The following SIPA1L2 variants were observed in gnomAD, a reference collection of about 807,000 sequenced individuals.
SIPA1L2 encodes the protein signal induced proliferation associated 1 like 2, also known as signal-induced proliferation-associated 1-like protein 2.
SIPA1L2 carries 56 observed loss-of-function variants against 163.9 expected under a neutral mutation model. The ratio of observed to expected loss-of-function variants is 0.34; its 90% CI spans 0.28 to 0.43. SIPA1L2 has a LOEUF of 0.43. Ranked by LOEUF, SIPA1L2 falls within the 20% of genes least tolerant of loss-of-function variation. SIPA1L2 has a pLI of 1.00. For synonymous variants in SIPA1L2, 877 were observed against 865.7 expected, an observed-to-expected ratio of 1.01 and a Z score of -0.23; for missense variants, 1,974 against 2,193.5, an observed-to-expected ratio of 0.90 and a Z score of 2.00.
intron 17 of SIPA1L2, among the ~76,000 whole-genome samples, chr1:232,426,371 T>C (rs1224749019): frequency 6.6e-6 from 1 of 152,180 alleles, no homozygotes; most frequent in African/African-American, 2.4e-5. Context: ...CTTAAAAGTG[T>C]CACTTGTGGC....
At chr1:232,487,870 G>GGACT (rs907096281) in intron 5 of SIPA1L2, among the ~76,000 whole-genome samples, 53 of 150,154 alleles carry the variant, frequency 3.5e-4, no homozygotes, top group African/African-American at 1.3e-3. Flanking sequence ...AAACCAGGAT[G>GGACT]GACTGCAAAC....
At position 232,413,652 on chromosome 1, in the gene SIPA1L2, C is replaced by T. The variant is rs140756737; in HGVS notation, c.4762+1842G>A. 3.9e-3 allele frequency among the ~76,000 whole-genome samples: 594 copies of T among 152,248 alleles called. 2 individuals carry two copies. Among genetic ancestry groups the T allele is most frequent in the Non-Finnish European group, 6.0e-3 (407 of 68,016 alleles). The stretch of plus-strand genomic sequence containing the variant: ...ATACCTACTTACTCCTTGTTACTAG[C>T]GCTTCTCCTTTGGTTATCTTGATAT... On this transcript the variant is annotated intron_variant, in intron 19 of 22. Transcript: ENST00000674635.
chr1:232,551,343 T>C (rs1183024423), intron 2 of SIPA1L2, among the ~76,000 whole-genome samples: 1 of 152,164 alleles, frequency 6.6e-6, no homozygotes, highest in African/African-American at 2.4e-5. Flanking sequence ...CCTGAAATAC[T>C]ACCTAAGAGA....
intron 10 of SIPA1L2, among the ~76,000 whole-genome samples, chr1:232,456,207 A>G (rs1663908161): frequency 6.6e-6 from 1 of 152,198 alleles, no homozygotes; most frequent in Non-Finnish European, 1.5e-5. Context: ...ATTTCAGCCC[A>G]CCATTTATTT....
chr1:232,590,446 T>C (rs1050197605), intron 1 of SIPA1L2, among the ~76,000 whole-genome samples: 4 of 152,238 alleles, frequency 2.6e-5, no homozygotes, highest in African/African-American at 7.2e-5. Flanking sequence ...AACTCAGTGA[T>C]AGCACCAGCA....
chr1:232,482,706 T>C (rs1195516847), intron 6 of SIPA1L2, among the ~76,000 whole-genome samples: 1 of 152,170 alleles, frequency 6.6e-6, no homozygotes, highest in Non-Finnish European at 1.5e-5. Context: ...GGCACCACCC[T>C]CATCCAGATG....
intron 18 of SIPA1L2, among the ~76,000 whole-genome samples, chr1:232,421,162 C>T (rs548813077): frequency 2.6e-4 from 39 of 152,294 alleles, no homozygotes; most frequent in Non-Finnish European, 3.8e-4. Context: ...AGATGCCATC[C>T]TACCTCACTT....
At chr1:232,496,588 A>AAACAT (rs71162248) in intron 3 of SIPA1L2, among the ~76,000 whole-genome samples, 35,530 of 150,458 alleles carry the variant, frequency 0.24, 4,349 homozygotes, top group Admixed American at 0.34. Flanking sequence ...TATTCAATGA[A>AAACAT]AGACTAAAAG....
chr1:232,543,155 G>A (rs1356476567), intron 2 of SIPA1L2, among the ~76,000 whole-genome samples: 5 of 152,314 alleles, frequency 3.3e-5, no homozygotes, highest in East Asian at 1.9e-4. Flanking sequence ...TATGTAAATC[G>A]AATGAAGAGA....
chr1:232,449,432 G>A (rs1380849749), intron 10 of SIPA1L2, among the ~76,000 whole-genome samples: 1 of 151,522 alleles, frequency 6.6e-6, no homozygotes, highest in Admixed American at 6.6e-5. Context: ...GCAGGAGAAT[G>A]GCGTGAACCC....
At position 232,445,562 on chromosome 1, in the gene SIPA1L2, G is replaced by T; in HGVS notation, c.3320C>A (p.Thr1107Asn). The T allele has an allele frequency of 6.2e-7, 1 of 1,613,960 alleles. No homozygotes were observed. Among genetic ancestry groups the T allele is most frequent in the Non-Finnish European group, 8.5e-7 (1 of 1,179,960 alleles). ...ATCGGGCAGCTTCCGGTCGAAGGAG[G>T]TGCTTCGAGGAATGGCAGCCTGGGC... ...QQAQAAIPRS[T>N]SFDRKLPDGT... Residue 1107 changes from threonine to asparagine, a missense_variant, in exon 11 of 23, where the codon ACC (threonine) becomes AAC (asparagine). Around this residue, in one of 3 missense-constraint regions of SIPA1L2, gnomAD observed 1,079 missense variants for 1,150.7 expected, o/e 0.94. Transcript: ENST00000674635.
At chr1:232,525,393 G>A (rs1308192312) in intron 2 of SIPA1L2, among the ~76,000 whole-genome samples, 1 of 147,310 alleles carries the variant, frequency 6.8e-6, no homozygotes, top group Non-Finnish European at 1.5e-5. Flanking sequence ...CCGCCACCAA[G>A]CCTGGCTATT....
rs1663034771 is a variant in SIPA1L2, at chr1:232,443,628, G to C, written c.3411C>G (p.Pro1137=). 6.2e-7 allele frequency: 1 copy of C among 1,609,176 alleles called. No homozygotes were observed. Among genetic ancestry groups the C allele is most frequent in the South Asian group, 1.1e-5 (1 of 89,950 alleles). ...SSDPGPGGSG[P]WRPQVGYDGC... ...CGTCGTAGCCCACTTGTGGTCTCCA[G>C]GGTCCGCTCCCGCCGGGTCCAGGGT... The change falls in exon 12 of 23, where the codon CCC becomes CCG. Residue 1137 remains proline, a synonymous_variant. Coordinates refer to ENST00000674635, the MANE Select transcript of SIPA1L2 (RefSeq NM_020808.5).
intron 1 of SIPA1L2, among the ~76,000 whole-genome samples, chr1:232,578,012 C>T (rs1284788639): frequency 6.6e-6 from 1 of 152,050 alleles, no homozygotes; most frequent in Non-Finnish European, 1.5e-5. Flanking sequence ...TCATTGTTGT[C>T]TTATTTTAAG....
At position 232,398,839 on chromosome 1, in the gene SIPA1L2, C is replaced by A. The variant is rs1029202038; in HGVS notation, c.*288G>T. ...CTCTTGAGGTAAGCCCAAGCCAGAG[C>A]ACTGTTTTAGCAGAGTCTAAAAGAA... On this transcript the variant is annotated 3_prime_UTR_variant, in exon 23 of 23. Transcript: ENST00000674635. The A allele has an allele frequency of 3.2e-6, 1 of 315,646 alleles. No homozygotes were observed. The highest frequency in any genetic ancestry group is 5.9e-6 in the Non-Finnish European group (1 of 169,616). The allele number at this position is 315,646 out of a possible 1,614,324, so 19.6% of individuals were successfully genotyped here. A position where few individuals can be genotyped will look rare whatever the true frequency, so the allele number is the denominator to read the frequency against.
At chr1:232,511,960 T>C (rs1003348659) in intron 3 of SIPA1L2, among the ~76,000 whole-genome samples, 2 of 151,974 alleles carry the variant, frequency 1.3e-5, no homozygotes, top group Non-Finnish European at 2.9e-5. Flanking sequence ...TGGGAGAAAA[T>C]TTTTGCAATC....
At chr1:232,580,101 G>A (rs1001399193) in intron 1 of SIPA1L2, among the ~76,000 whole-genome samples, 1 of 152,190 alleles carries the variant, frequency 6.6e-6, no homozygotes, top group Non-Finnish European at 1.5e-5. Flanking sequence ...GCTAAATAAG[G>A]GGTAGATTAT....
intron 3 of SIPA1L2, among the ~76,000 whole-genome samples, chr1:232,501,295 A>G (rs1352346400): frequency 6.6e-6 from 1 of 152,150 alleles, no homozygotes; most frequent in Non-Finnish European, 1.5e-5. Flanking sequence ...ATAGTAGACT[A>G]CAGTATAAAC....
Position 232,399,065 on chromosome 1 carries a change from G to A in SIPA1L2, c.*62C>T, listed in dbSNP as rs776936182. 11 of 1,605,996 alleles carry A rather than the reference G, an allele frequency of 6.8e-6. No individual in the cohort carries two copies. The highest frequency in any genetic ancestry group is 9.4e-6 in the Non-Finnish European group (11 of 1,175,010). On this transcript the variant is annotated 3_prime_UTR_variant, in exon 23 of 23. Transcript: ENST00000674635. ...TTGAAAGCACACAGAAAAACCACAT[G>A]TTTGTGACTTCAAAGGGACAAGGGG...
Sources: gnomAD v4.1 joint callset for allele counts (sites outside exome capture counted in the v4.1 genomes callset) on GRCh38, gnomAD v4.1.1 for gene constraint, gnomAD v4.1.1 regional missense constraint, MANE v1.5 for transcripts, NCBI Gene and HGNC (gene_info 2026-07-23, HGNC 2026-07-21) for gene names.